The following SBNO1 variants were observed in gnomAD, a reference collection of about 807,000 sequenced individuals.
The protein encoded by SBNO1 is protein strawberry notch homolog 1.
In SBNO1, 23 loss-of-function variants were observed where a neutral mutation model predicts 173.6. The ratio of observed to expected loss-of-function variants is 0.13; its 90% CI spans 0.10 to 0.19. The LOEUF (loss-of-function observed/expected upper bound fraction) is 0.19. Ranked by LOEUF, SBNO1 falls within the 10% of genes least tolerant of loss-of-function variation. The pLI is 1.00. For missense variants in SBNO1, 1,238 were observed against 1,671.2 expected (o/e 0.74, Z 4.52); for synonymous variants, 632 against 571.5 (o/e 1.11, Z -1.51).
At chr12:123,320,297 G>A (rs187533247) in intron 19 of SBNO1, 135 bp downstream of exon 19, 12 of 900,638 alleles carry the variant, frequency 1.3e-5, no homozygotes, top group Non-Finnish European at 1.2e-5. Flanking sequence ...ATTGGATGTA[G>A]GATGGCAACT....
chr12:123,343,021 C>T (rs2139047100), intron 4 of SBNO1, among the ~76,000 whole-genome samples: 1 of 152,262 alleles, frequency 6.6e-6, no homozygotes, highest in African/African-American at 2.4e-5. Context: ...GTGGGCTGAT[C>T]ACTTGAGGTC....
At chr12:123,364,127 C>G (rs1425386225) in intron 1 of SBNO1, 1 of 985,436 alleles carries the variant, frequency 1.0e-6, no homozygotes, top group Admixed American at 6.2e-5. Context: ...GGAGCCTGCA[C>G]GTGTCCCCCG....
Position 123,309,685 on chromosome 12 carries a change from TG to T in SBNO1, c.3442+24del, listed in dbSNP as rs762370371. Reference sequence around the variant, plus strand: ...CTCCACATTTTCCCTGGGGACATTGTGGGGGGGAAATTTTCCCTACTTACCT... The same window carrying T: ...CTCCACATTTTCCCTGGGGACATTGTGGGGGGAAATTTTCCCTACTTACCT... On this transcript the variant is annotated intron_variant, in intron 26 of 31. Transcript: ENST00000602398. 3.7e-6 allele frequency: 6 copies of T among 1,609,798 alleles called. No homozygotes were observed. In the South Asian group the frequency reaches 4.4e-5, roughly 12 times the overall value.
At chr12:123,337,735 T>A (rs1276862822) in intron 5 of SBNO1, among the ~76,000 whole-genome samples, 1 of 152,196 alleles carries the variant, frequency 6.6e-6, no homozygotes, top group Non-Finnish European at 1.5e-5. Flanking sequence ...TATTTAATTG[T>A]GTAGTCTGTT....
chr12:123,317,963 G>GTA (rs1201320154), intron 20 of SBNO1, among the ~76,000 whole-genome samples: 5 of 151,966 alleles, frequency 3.3e-5, no homozygotes, highest in Non-Finnish European at 7.4e-5. Context: ...TTATCTTTTT[G>GTA]TATATATATA....
chr12:123,323,685 C>T lies in SBNO1; in HGVS notation c.2120G>A (p.Arg707Gln). The T allele has an allele frequency of 6.2e-7, 1 of 1,602,714 alleles. No homozygotes were observed. The highest frequency in any genetic ancestry group is 8.5e-7 in the Non-Finnish European group (1 of 1,176,422). The change falls in exon 16 of 32, where the codon CGG becomes CAG. Residue 707 changes from arginine (R) to glutamine (Q), a missense_variant. Transcript: ENST00000602398. ...TTCTTTTTTAAAGTGCTCACCTTTC[C>T]GCTTCTTTATTTTATTTTCTTTACA... ...SPCKENKIKK[R>Q]KGEEITREAK...
intron 29 of SBNO1, among the ~76,000 whole-genome samples, chr12:123,304,211 G>A (rs10773004): frequency 0.11 from 16,801 of 152,022 alleles, 1,054 homozygotes; most frequent in East Asian, 0.29. Flanking sequence ...GATTACAGGC[G>A]TGAGCCACTG....
chr12:123,364,280 G>A (rs997313295), intron 1 of SBNO1: 1 of 985,554 alleles, frequency 1.0e-6, no homozygotes, highest in Non-Finnish European at 1.2e-6. Flanking sequence ...GACTTGGGAA[G>A]GATCCGGTCC....
chr12:123,344,991 C>T (rs1872955882), intron 4 of SBNO1, among the ~76,000 whole-genome samples: 1 of 152,138 alleles, frequency 6.6e-6, no homozygotes, highest in Non-Finnish European at 1.5e-5. Flanking sequence ...AACTGACTAC[C>T]TATAATATAT....
chr12:123,326,215 T>A lies in SBNO1; in HGVS notation c.1812A>T (p.Leu604Phe). The A allele has an allele frequency of 6.8e-6, 11 of 1,613,560 alleles. No individual in the cohort carries two copies. Among genetic ancestry groups the A allele is most frequent in the Non-Finnish European group, 9.3e-6 (11 of 1,179,646 alleles). The change falls in exon 14 of 32, where the codon TTA (leucine) becomes TTT (phenylalanine). Residue 604 changes from leucine to phenylalanine, a missense_variant. Around this residue, in one of 14 missense-constraint regions of SBNO1, gnomAD observed 182 missense variants for 339.9 expected, o/e 0.54. Coordinates refer to ENST00000602398, the MANE Select transcript of SBNO1 (RefSeq NM_001167856.3). ...WSAHQRFFKY[L>F]CIASKVKRVV... ...CCCTTTTAACTTTGGATGCTATGCA[T>A]AAGTATTTGAAGAACCTCTGGTGAG...
chr12:123,299,044 G>C (rs573873903), intron 30 of SBNO1, among the ~76,000 whole-genome samples: 3 of 152,174 alleles, frequency 2.0e-5, no homozygotes, highest in African/African-American at 7.2e-5. Flanking sequence ...CCAACGTGGA[G>C]AAACCTCATT....
chr12:123,329,059 CACAA>C (rs1870894460), intron 9 of SBNO1, among the ~76,000 whole-genome samples, 164 bp from the exon 10 acceptor site: 1 of 152,162 alleles, frequency 6.6e-6, no homozygotes, highest in Non-Finnish European at 1.5e-5. Context: ...ATGTACACAA[CACAA>C]ACACACAACT....
Position 123,348,096 on chromosome 12 carries a change from G to A in SBNO1, c.170C>T (p.Thr57Ile), listed in dbSNP as rs1302107820. Residue 57 changes from threonine (T) to isoleucine (I), a missense_variant, in exon 3 of 32, where the codon ACC (threonine) becomes ATC (isoleucine). Around this residue, in one of 14 missense-constraint regions of SBNO1, gnomAD observed 287 missense variants for 274.1 expected, o/e 1.05. Transcript: ENST00000602398. Reference protein sequence around the residue: ...PLSALELGLETEAAVPVKQEP... With the variant: ...PLSALELGLEIEAAVPVKQEP... ...TTGTTTAACAGGAACTGCTGCTTCGGTCTCCAAACCTAGTTCTAATGCACT... is the reference window on the plus strand; with the variant it reads ...TTGTTTAACAGGAACTGCTGCTTCGATCTCCAAACCTAGTTCTAATGCACT... 1 of 1,611,668 alleles carries A rather than the reference G, an allele frequency of 6.2e-7. No homozygotes were observed. The highest frequency in any genetic ancestry group is 1.3e-5 in the African/African-American group (1 of 74,866).
intron 7 of SBNO1, among the ~76,000 whole-genome samples, chr12:123,333,031 G>A (rs1184531700): frequency 6.6e-6 from 1 of 152,106 alleles, no homozygotes; most frequent in Admixed American, 6.5e-5. Context: ...GGCTGAGGCA[G>A]AAGAATGGCA....
chr12:123,340,874 T>C (rs985797217), intron 5 of SBNO1, 114 bp downstream of exon 5: 1 of 679,350 alleles, frequency 1.5e-6, no homozygotes, highest in Non-Finnish European at 2.6e-6. Context: ...CACGCCTGTA[T>C]AGCTTCTTCC....
chr12:123,314,973 C>T (rs542058270), intron 23 of SBNO1, among the ~76,000 whole-genome samples: 1 of 151,768 alleles, frequency 6.6e-6, no homozygotes, highest in Admixed American at 6.6e-5. Flanking sequence ...GAACTCCTGA[C>T]CTCAAGTGAT....
At chr12:123,314,880 G>A (rs1566029845) in intron 23 of SBNO1, among the ~76,000 whole-genome samples, 1 of 150,830 alleles carries the variant, frequency 6.6e-6, no homozygotes, top group Non-Finnish European at 1.5e-5. Flanking sequence ...ATAGGTGTGA[G>A]CAACTGATCC....
chr12:123,299,289 A>G (rs981103996), intron 30 of SBNO1, among the ~76,000 whole-genome samples: 4 of 151,656 alleles, frequency 2.6e-5, no homozygotes, highest in Non-Finnish European at 5.9e-5. Flanking sequence ...AATGGCGTGA[A>G]CCCAGGAGGC....
Position 123,309,477 on chromosome 12 carries a change from T to C in SBNO1, c.3537+12A>G. 6.2e-7 allele frequency: 1 copy of C among 1,608,248 alleles called. No homozygotes were observed. Among genetic ancestry groups the C allele is most frequent in the Non-Finnish European group, 8.5e-7 (1 of 1,174,676 alleles). On this transcript the variant is annotated intron_variant, in intron 27 of 31. Transcript: ENST00000602398. ...TGGGAAGACGATACTTCACAACATT[T>C]TCTAAACTTACTGTGTATAATTCTA...
Sources: gnomAD v4.1 joint callset for allele counts (sites outside exome capture counted in the v4.1 genomes callset) on GRCh38, gnomAD v4.1.1 for gene constraint, gnomAD v4.1.1 regional missense constraint, MANE v1.5 for transcripts, NCBI Gene and HGNC (gene_info 2026-07-23, HGNC 2026-07-21) for gene names.